Variants in RIMBP2 observed in about 807,000 individuals in gnomAD.
RIMBP2 encodes RIMS-binding protein 2.
RIMBP2 carries 48 observed loss-of-function variants against 118.6 expected under a neutral mutation model. The observed-to-expected ratio is 0.40, with a 90% confidence interval of 0.32 to 0.51. The LOEUF is 0.51. Among genes scored for constraint, RIMBP2 ranks in the 20% least tolerant of loss-of-function variants. The pLI is 0.41. For missense variants in RIMBP2, 1,551 were observed against 1,768.3 expected (o/e 0.88, Z 2.20); for synonymous variants, 762 against 742.9 (o/e 1.03, Z -0.42).
chr12:130,474,383 C>T (rs2081262571), intron 5 of RIMBP2, among the ~76,000 whole-genome samples: 1 of 152,230 alleles, frequency 6.6e-6, no homozygotes, highest in African/African-American at 2.4e-5. Flanking sequence ...CGTCACATCT[C>T]CAATTCCTTC....
chr12:130,686,942 T>G (rs11836115), intron 1 of RIMBP2, among the ~76,000 whole-genome samples: 18,618 of 152,202 alleles, frequency 0.12, 2,567 homozygotes, highest in African/African-American at 0.34. Flanking sequence ...TTTGCCGGCG[T>G]ATACCTCGCG....
chr12:130,626,823 A>G (rs2061666980), intron 2 of RIMBP2, among the ~76,000 whole-genome samples: 1 of 149,324 alleles, frequency 6.7e-6, no homozygotes, highest in Non-Finnish European at 1.5e-5. Flanking sequence ...CACCAGCATC[A>G]CCACCATCTC....
At position 130,458,999 on chromosome 12, in the gene RIMBP2, G is replaced by A. The variant is rs188448614; in HGVS notation, c.154-2299C>T. Among the ~76,000 whole-genome samples, 387 of 149,132 alleles carry A rather than the reference G, an allele frequency of 2.6e-3. 4 individuals are homozygous for A. The highest frequency in any genetic ancestry group is 8.6e-3 in the African/African-American group (348 of 40,304). ...GCAGAGGTTGTAGTGAGCTGAGATCGAGCCTCTGCACTCCAGCCTGGGCAA... is the reference window on the plus strand; with the variant it reads ...GCAGAGGTTGTAGTGAGCTGAGATCAAGCCTCTGCACTCCAGCCTGGGCAA... On this transcript the variant is annotated intron_variant, in intron 6 of 22. Coordinates refer to ENST00000690449, the MANE Select transcript of RIMBP2 (RefSeq NM_001393629.1).
chr12:130,411,867 T>G (rs1450639741), intron 19 of RIMBP2, among the ~76,000 whole-genome samples: 1 of 152,216 alleles, frequency 6.6e-6, no homozygotes, highest in African/African-American at 2.4e-5. Context: ...CTTAAAATTA[T>G]GTATATTCTT....
At chr12:130,462,358 C>T (rs1043231889) in intron 6 of RIMBP2, among the ~76,000 whole-genome samples, 2 of 152,344 alleles carry the variant, frequency 1.3e-5, no homozygotes, top group South Asian at 4.1e-4. Flanking sequence ...GTGGCCAGTG[C>T]AGATACCAGG....
chr12:130,642,898 CACTG>C (rs1308234754), intron 1 of RIMBP2, among the ~76,000 whole-genome samples: 1 of 152,180 alleles, frequency 6.6e-6, no homozygotes, highest in Non-Finnish European at 1.5e-5. Context: ...CACTGCCGCT[CACTG>C]AGAGAGGGGC....
chr12:130,715,021 C>T (rs544769947), intron 1 of RIMBP2, among the ~76,000 whole-genome samples: 1 of 152,308 alleles, frequency 6.6e-6, no homozygotes, highest in South Asian at 2.1e-4. Flanking sequence ...GCTCAGAGCC[C>T]AGCAGCCTGG....
rs897371435 is a variant in RIMBP2, at chr12:130,420,213, G to A, written c.3238+2240C>T. Among the ~76,000 whole-genome samples, 2 of 152,068 alleles carry A rather than the reference G, an allele frequency of 1.3e-5. No homozygotes were observed. Among genetic ancestry groups the A allele is most frequent in the South Asian group, 2.1e-4 (1 of 4,818 alleles). Reference sequence around the variant, plus strand: ...CTCAGGTGGGTGATAAGCACCCTCCGCTTCTGTTTCCTTTTGAAACCATAA... The same window carrying A: ...CTCAGGTGGGTGATAAGCACCCTCCACTTCTGTTTCCTTTTGAAACCATAA... On this transcript the variant is annotated intron_variant, in intron 17 of 22. Transcript: ENST00000690449. The surrounding 1 kb of genome is among the most constrained non-coding windows in gnomAD (Gnocchi z 4.3).
intron 1 of RIMBP2, among the ~76,000 whole-genome samples, chr12:130,695,583 A>C (rs541307319): frequency 6.6e-6 from 1 of 152,244 alleles, no homozygotes; most frequent in East Asian, 1.9e-4. Context: ...GAGAGTGGGG[A>C]GTCCAGGCAG....
Position 130,523,994 on chromosome 12 carries a change from A to G in RIMBP2, c.-216-6077T>C, listed in dbSNP as rs2052470421. On this transcript the variant is annotated intron_variant, in intron 2 of 22. Coordinates refer to ENST00000690449, the MANE Select transcript of RIMBP2 (RefSeq NM_001393629.1). This position sits in a 1 kb window ranked among gnomAD's most constrained non-coding sequence, Gnocchi z 4.4. ...TATCCACGCTACAGGATTCAAAACC[A>G]TGAACATCCAATCTCCTGGCCACAC... 6.6e-6 allele frequency among the ~76,000 whole-genome samples: 1 copy of G among 152,134 alleles called. No homozygotes were observed. The highest frequency in any genetic ancestry group is 2.4e-5 in the African/African-American group (1 of 41,446).
At chr12:130,645,248 C>T (rs549305278) in intron 1 of RIMBP2, among the ~76,000 whole-genome samples, 51 of 152,246 alleles carry the variant, frequency 3.3e-4, no homozygotes, top group African/African-American at 7.9e-4. Context: ...GTGTCCACCA[C>T]GCCTGGCAAA....
intron 2 of RIMBP2, among the ~76,000 whole-genome samples, chr12:130,627,039 C>T (rs929371124): frequency 1.3e-5 from 2 of 152,086 alleles, no homozygotes; most frequent in African/African-American, 4.8e-5. Flanking sequence ...TCACAACTAC[C>T]ACCAGCATCC....
At position 130,446,015 on chromosome 12, in the gene RIMBP2, A is replaced by C. The variant is rs2078485610; in HGVS notation, c.582-746T>G. On this transcript the variant is annotated intron_variant, in intron 9 of 22. Transcript: ENST00000690449. This position sits in a 1 kb window ranked among gnomAD's most constrained non-coding sequence, Gnocchi z 4.1. ...CTCAGAAAAACAGACGCATGATTTT[A>C]TGCTCCCCCCCCCCACACCCCCAGG... 3.2e-5 allele frequency among the ~76,000 whole-genome samples: 1 copy of C among 31,738 alleles called. No individual in the cohort carries two copies. The highest frequency in any genetic ancestry group is 9.3e-5 in the African/African-American group (1 of 10,720). 20.8% of individuals were successfully genotyped at this position (31,738 alleles called of 152,430 possible). A position where few individuals can be genotyped will look rare whatever the true frequency, so the allele number is the denominator to read the frequency against.
At position 130,622,737 on chromosome 12, in the gene RIMBP2, T is replaced by G. The variant is rs190693915; in HGVS notation, c.-217+5585A>C. Among the ~76,000 whole-genome samples the G allele has an allele frequency of 6.6e-6, 1 of 152,224 alleles. No individual in the cohort carries two copies. The highest frequency in any genetic ancestry group is 2.4e-5 in the African/African-American group (1 of 41,450). ...CTATTTTATTGCCTGTACAACACTC[T>G]TGGAAATATTGGGCTAGTTGGCAGA... On this transcript the variant is annotated intron_variant, in intron 2 of 22. Coordinates refer to ENST00000690449, the MANE Select transcript of RIMBP2 (RefSeq NM_001393629.1). The surrounding 1 kb of genome is among the most constrained non-coding windows in gnomAD (Gnocchi z 8.5).
At chr12:130,589,695 A>C (rs2059136515) in intron 2 of RIMBP2, among the ~76,000 whole-genome samples, 1 of 152,228 alleles carries the variant, frequency 6.6e-6, no homozygotes, top group Non-Finnish European at 1.5e-5. Context: ...AGATCGAAAC[A>C]TCACAGTGTA....
chr12:130,656,986 C>G (rs2063458654), intron 1 of RIMBP2, among the ~76,000 whole-genome samples: 1 of 152,208 alleles, frequency 6.6e-6, no homozygotes, highest in South Asian at 2.1e-4. Context: ...CATTGAACTC[C>G]CAGGCTCAAG....
At chr12:130,645,935 T>C (rs1236117768) in intron 1 of RIMBP2, among the ~76,000 whole-genome samples, 1 of 152,170 alleles carries the variant, frequency 6.6e-6, no homozygotes, top group Non-Finnish European at 1.5e-5. Flanking sequence ...AGTCACTGAA[T>C]AGCTTTGTTT....
chr12:130,600,889 G>C (rs2059836032), intron 2 of RIMBP2, among the ~76,000 whole-genome samples: 3 of 152,202 alleles, frequency 2.0e-5, no homozygotes, highest in African/African-American at 4.8e-5. Context: ...TCCCCTTCAA[G>C]TCTAGGGATG....
chr12:130,709,546 G>A lies in RIMBP2; in HGVS notation c.-352+6676C>T, dbSNP rs574997383. Among the ~76,000 whole-genome samples the A allele has an allele frequency of 2.6e-5, 4 of 152,360 alleles. No homozygotes were observed. In the East Asian group the frequency reaches 5.8e-4, roughly 22 times the overall value. On this transcript the variant is annotated intron_variant, in intron 1 of 22. Coordinates refer to ENST00000690449, the MANE Select transcript of RIMBP2 (RefSeq NM_001393629.1). The stretch of plus-strand genomic sequence containing the variant: ...CAGACCTGGAGCTGAGTCAAGGCAC[G>A]TTTCCCAAGATTTTGGGGCTCCCCT...
Sources: gnomAD v4.1 joint callset for allele counts (sites outside exome capture counted in the v4.1 genomes callset) on GRCh38, gnomAD v4.1.1 for gene constraint, Gnocchi (gnomAD v3.1) non-coding constraint, MANE v1.5 for transcripts, NCBI Gene and HGNC (gene_info 2026-07-23, HGNC 2026-07-21) for gene names.